The following PLXDC2 variants were observed in gnomAD, a reference collection of about 807,000 sequenced individuals.
PLXDC2 encodes plexin domain-containing protein 2.
In PLXDC2, 40 loss-of-function variants were observed where a neutral mutation model predicts 68.9. That is an observed-to-expected ratio of 0.58 (90% confidence interval 0.45 to 0.76). The LOEUF (loss-of-function observed/expected upper bound fraction) is 0.76, where lower values mean the gene tolerates loss of function less well. Ranked by LOEUF, PLXDC2 falls within the 30% of genes least tolerant of loss-of-function variation. PLXDC2 has a pLI of 0.00. For synonymous variants in PLXDC2, 243 were observed against 234.2 expected (o/e 1.04, Z -0.34); for missense variants, 644 against 661.9 (o/e 0.97, Z 0.30).
chr10:19,982,405 C>A (rs1386239106), intron 1 of PLXDC2, among the ~76,000 whole-genome samples: 1 of 152,172 alleles, frequency 6.6e-6, no homozygotes, highest in African/African-American at 2.4e-5. Flanking sequence ...CACAGTCTTT[C>A]TTCTAGGATA....
At chr10:20,056,278 A>ATT (rs1410674260) in intron 3 of PLXDC2, among the ~76,000 whole-genome samples, 1 of 152,188 alleles carries the variant, frequency 6.6e-6, no homozygotes, top group Non-Finnish European at 1.5e-5. Flanking sequence ...TGTCCCAAGT[A>ATT]TTATTCCAGG....
At chr10:20,185,933 T>G (rs1385309049) in intron 9 of PLXDC2, among the ~76,000 whole-genome samples, 2 of 151,972 alleles carry the variant, frequency 1.3e-5, no homozygotes, top group Non-Finnish European at 2.9e-5. Flanking sequence ...CACCAAGCAT[T>G]AAGAGTTTTA....
chr10:20,219,862 G>T (rs1209922153), intron 12 of PLXDC2, among the ~76,000 whole-genome samples: 2 of 152,042 alleles, frequency 1.3e-5, no homozygotes, highest in African/African-American at 4.8e-5. Context: ...TCTAGGCATG[G>T]TTTTGCCTTT....
chr10:20,133,719 C>T (rs748228999), intron 4 of PLXDC2, among the ~76,000 whole-genome samples: 5 of 152,016 alleles, frequency 3.3e-5, no homozygotes, highest in South Asian at 2.1e-4. Context: ...ATTCTTTGGG[C>T]GTCATGGATC....
At chr10:19,999,651 G>C (rs1834900456) in intron 1 of PLXDC2, among the ~76,000 whole-genome samples, 1 of 152,116 alleles carries the variant, frequency 6.6e-6, no homozygotes, top group African/African-American at 2.4e-5. Flanking sequence ...ACTATAGCAA[G>C]TGCAAGGAAA....
chr10:20,234,329 T>A (rs1835404265), intron 12 of PLXDC2, among the ~76,000 whole-genome samples: 1 of 152,210 alleles, frequency 6.6e-6, no homozygotes, highest in Non-Finnish European at 1.5e-5. Context: ...AAACGTGTTC[T>A]GTTCCACATT....
chr10:20,177,096 T>C lies in PLXDC2; in HGVS notation c.979+2T>C. The C allele has an allele frequency of 6.3e-7, 1 of 1,591,808 alleles. No individual in the cohort carries two copies. Among genetic ancestry groups the C allele is most frequent in the Non-Finnish European group, 8.6e-7 (1 of 1,160,876 alleles). On this transcript the variant is annotated splice_donor_variant, in intron 8 of 13. Coordinates refer to ENST00000377252, the MANE Select transcript of PLXDC2 (RefSeq NM_032812.9). LOFTEE classifies it high-confidence loss of function. ...CTGTGGAGATGACCCCATTACCCAG[T>C]AAGCGAATATGTAAACCTAGGTGGA...
intron 1 of PLXDC2, among the ~76,000 whole-genome samples, chr10:19,819,014 A>C (rs1317192289): frequency 3.5e-5 from 5 of 144,624 alleles, no homozygotes; most frequent in Admixed American, 1.4e-4. Context: ...AACGTTACTG[A>C]AAAAAGAATA....
At chr10:19,907,423 G>A (rs1052011507) in intron 1 of PLXDC2, among the ~76,000 whole-genome samples, 1 of 152,172 alleles carries the variant, frequency 6.6e-6, no homozygotes, top group African/African-American at 2.4e-5. Context: ...CAACAAGTTA[G>A]CACAGGAACA....
chr10:19,871,710 C>A (rs1208521981), intron 1 of PLXDC2, among the ~76,000 whole-genome samples: 1 of 151,768 alleles, frequency 6.6e-6, no homozygotes, highest in Non-Finnish European at 1.5e-5. Context: ...ACTGGTGAAA[C>A]CCTGTCTCTA....
At position 20,282,455 on chromosome 10, in the gene PLXDC2, G is replaced by T. The variant is rs1480390913; in HGVS notation, c.*2636G>T. The T allele has an allele frequency of 6.6e-6, 1 of 152,112 alleles. No individual in the cohort carries two copies. Among genetic ancestry groups the T allele is most frequent in the Admixed American group, 6.6e-5 (1 of 15,262 alleles). The allele number at this position is 152,112 out of a possible 1,614,324, so 9.4% of individuals were successfully genotyped here. On this transcript the variant is annotated 3_prime_UTR_variant, in exon 14 of 14. Transcript: ENST00000377252. ...TGAACATAATAGAATAACAAAAAAAGATAACAAAGAGATGCAAACTTCTGG... is the reference window on the plus strand; with the variant it reads ...TGAACATAATAGAATAACAAAAAAATATAACAAAGAGATGCAAACTTCTGG...
At chr10:19,979,049 T>G (rs1010413657) in intron 1 of PLXDC2, among the ~76,000 whole-genome samples, 24 of 152,328 alleles carry the variant, frequency 1.6e-4, no homozygotes, top group African/African-American at 5.8e-4. Flanking sequence ...ATAAAAGATC[T>G]CCAGGTTGAA....
At chr10:20,114,323 T>C (rs1262053117) in intron 4 of PLXDC2, among the ~76,000 whole-genome samples, 1 of 152,198 alleles carries the variant, frequency 6.6e-6, no homozygotes, top group Non-Finnish European at 1.5e-5. Context: ...GGAGAAGGCT[T>C]TTCTCTCTAC....
intron 7 of PLXDC2, among the ~76,000 whole-genome samples, chr10:20,172,059 A>G (rs4428969): frequency 0.26 from 39,854 of 151,906 alleles, 6,078 homozygotes; most frequent in East Asian, 0.51. Flanking sequence ...CAATATATCC[A>G]TGTAACAAAA....
intron 7 of PLXDC2, among the ~76,000 whole-genome samples, chr10:20,168,910 T>G (rs1329002938): frequency 6.6e-6 from 1 of 152,184 alleles, no homozygotes; most frequent in Non-Finnish European, 1.5e-5. Flanking sequence ...ATTTGTAATA[T>G]ACACATATAT....
intron 1 of PLXDC2, among the ~76,000 whole-genome samples, chr10:19,873,581 A>G (rs1270192119): frequency 6.6e-6 from 1 of 152,032 alleles, no homozygotes; most frequent in African/African-American, 2.4e-5. Flanking sequence ...CACAGTTCCC[A>G]GCTAGAGTTA....
chr10:20,001,252 C>T (rs1042081186), intron 1 of PLXDC2, among the ~76,000 whole-genome samples: 1 of 152,194 alleles, frequency 6.6e-6, no homozygotes, highest in African/African-American at 2.4e-5. Flanking sequence ...TAGTTTCGCC[C>T]ATTTACACGA....
chr10:20,008,413 G>C (rs1390139086), intron 2 of PLXDC2, among the ~76,000 whole-genome samples: 7 of 152,124 alleles, frequency 4.6e-5, no homozygotes, highest in African/African-American at 1.7e-4. Context: ...AATTAGCCAG[G>C]CATGGTGGTG....
intron 1 of PLXDC2, among the ~76,000 whole-genome samples, chr10:19,987,297 C>A (rs1200701470): frequency 6.6e-6 from 1 of 152,106 alleles, no homozygotes; most frequent in African/African-American, 2.4e-5. Flanking sequence ...GTGACTTTGC[C>A]ACCATTCTAA....
Sources: gnomAD v4.1 joint callset for allele counts (sites outside exome capture counted in the v4.1 genomes callset) on GRCh38, gnomAD v4.1.1 for gene constraint, MANE v1.5 for transcripts, NCBI Gene and HGNC (gene_info 2026-07-23, HGNC 2026-07-21) for gene names.